PHLDB2: variants seen among roughly 807,000 people sequenced by gnomAD.
PHLDB2 encodes the protein pleckstrin homology like domain family B member 2, also known as pleckstrin homology-like domain family B member 2.
PHLDB2 carries 71 observed loss-of-function variants against 123.6 expected under a neutral mutation model. The ratio of observed to expected loss-of-function variants is 0.57; its 90% CI spans 0.47 to 0.70. PHLDB2 has a LOEUF of 0.70. Ranked by LOEUF, PHLDB2 falls within the 30% of genes least tolerant of loss-of-function variation. PHLDB2 has a pLI of 0.00. For missense variants in PHLDB2, 1,446 were observed against 1,519.5 expected (o/e 0.95, Z 0.80); for synonymous variants, 547 against 541.6 (o/e 1.01, Z -0.14).
chr3:111,859,429 C>G lies in PHLDB2; in HGVS notation c.-162C>G. On this transcript the variant is annotated 5_prime_UTR_variant, in exon 1 of 18. Transcript: ENST00000431670. ...CCCTGGGTGCCCGCCGCGGTGGTTACAAAGGGGGTCAAGAGTGCCGGACCC... is the reference window on the plus strand; with the variant it reads ...CCCTGGGTGCCCGCCGCGGTGGTTAGAAAGGGGGTCAAGAGTGCCGGACCC... 1.0e-6 allele frequency: 1 copy of G among 985,588 alleles called. No individual in the cohort carries two copies. Among genetic ancestry groups the G allele is most frequent in the Non-Finnish European group, 1.2e-6 (1 of 830,072 alleles). 61.1% of individuals were successfully genotyped at this position (985,588 alleles called of 1,614,324 possible). A position where few individuals can be genotyped will look rare whatever the true frequency, so the allele number is the denominator to read the frequency against.
upstream of PHLDB2, among the ~76,000 whole-genome samples, chr3:111,858,451 C>A (rs1372637846): frequency 6.6e-6 from 1 of 152,114 alleles, no homozygotes; most frequent in Non-Finnish European, 1.5e-5. Context: ...GCACATGTAT[C>A]CCAGAACTTA....
intron 1 of PHLDB2, among the ~76,000 whole-genome samples, chr3:111,839,204 C>A (rs2063555488): frequency 6.6e-6 from 1 of 152,050 alleles, no homozygotes; most frequent in Non-Finnish European, 1.5e-5. Context: ...AACAAACAAA[C>A]AAACAAAAAC....
chr3:111,765,818 A>T (rs2060069457), intron 1 of PHLDB2, among the ~76,000 whole-genome samples: 1 of 152,196 alleles, frequency 6.6e-6, no homozygotes, highest in Non-Finnish European at 1.5e-5. Context: ...TTAAGGTGGA[A>T]AAGAAGCCAA....
intron 1 of PHLDB2, among the ~76,000 whole-genome samples, chr3:111,864,344 C>A (rs754511219): frequency 6.6e-6 from 1 of 152,140 alleles, no homozygotes; most frequent in African/African-American, 2.4e-5. Context: ...ATTAAAGTAA[C>A]TTGTCTTTTA....
intron 1 of PHLDB2, 126 bp downstream of exon 1, chr3:111,859,702 T>C: frequency 1.0e-6 from 1 of 984,064 alleles, no homozygotes; most frequent in Non-Finnish European, 1.2e-6. Context: ...CTGCGGAGGG[T>C]TGGGGGCGGA....
At chr3:111,873,409 G>A (rs927746068) in intron 1 of PHLDB2, among the ~76,000 whole-genome samples, 2 of 152,270 alleles carry the variant, frequency 1.3e-5, no homozygotes, top group African/African-American at 4.8e-5. Context: ...TAATATTTTA[G>A]TCAGGTGGTT....
chr3:111,815,758 AGCTG>A (rs1281282723), intron 1 of PHLDB2, among the ~76,000 whole-genome samples: 2 of 152,234 alleles, frequency 1.3e-5, no homozygotes, highest in Non-Finnish European at 2.9e-5. Context: ...GAGAAATTCA[AGCTG>A]GCTGCAGAAA....
At chr3:111,847,624 A>C (rs1559865778) in intron 2 of PHLDB2, among the ~76,000 whole-genome samples, 1 of 151,852 alleles carries the variant, frequency 6.6e-6, no homozygotes, top group African/African-American at 2.4e-5. Context: ...CCTCTTTCCA[A>C]AATGTGGATC....
At chr3:111,742,557 G>A (rs1030510278) in intron 1 of PHLDB2, among the ~76,000 whole-genome samples, 9 of 151,954 alleles carry the variant, frequency 5.9e-5, no homozygotes, top group African/African-American at 1.2e-4. Context: ...GAGAAAATGC[G>A]GTGTTTGGTT....
At position 111,969,860 on chromosome 3, in the gene PHLDB2, A is replaced by G; in HGVS notation, c.3486A>G (p.Lys1162=). The G allele has an allele frequency of 6.2e-7, 1 of 1,614,062 alleles. No homozygotes were observed. Among genetic ancestry groups the G allele is most frequent in the Non-Finnish European group, 8.5e-7 (1 of 1,179,932 alleles). ...GTGGGAAAATTAAAACGTGGAAAAA[A>G]CGTTGGTTTGTTTTTGATCGGAACA... ...KMGGKIKTWK[K]RWFVFDRNKR... The change falls in exon 16 of 18, where the codon AAA becomes AAG. Residue 1162 remains lysine, a synonymous_variant. Transcript: ENST00000431670.
chr3:111,851,311 G>C (rs922409722), intron 2 of PHLDB2, among the ~76,000 whole-genome samples: 1 of 151,708 alleles, frequency 6.6e-6, no homozygotes, highest in African/African-American at 2.4e-5. Flanking sequence ...AAGTAGCTCT[G>C]AGCCCCTGCA....
At chr3:111,738,036 G>A (rs1373690675) in intron 1 of PHLDB2, among the ~76,000 whole-genome samples, 1 of 152,090 alleles carries the variant, frequency 6.6e-6, no homozygotes, top group African/African-American at 2.4e-5. Context: ...GTGACCCAAG[G>A]AAAGCCAATA....
intron 1 of PHLDB2, among the ~76,000 whole-genome samples, chr3:111,763,747 G>A (rs1463294206): frequency 2.0e-5 from 3 of 152,080 alleles, no homozygotes; most frequent in East Asian, 3.9e-4. Context: ...CCTCATAAAA[G>A]AGACCCCAGA....
intron 2 of PHLDB2, chr3:111,845,997 T>TATTGGGA: frequency 6.6e-7 from 1 of 1,516,436 alleles, no homozygotes; most frequent in Non-Finnish European, 9.1e-7. Flanking sequence ...CCATCATACA[T>TATTGGGA]ATTGGGAATG....
intron 1 of PHLDB2, among the ~76,000 whole-genome samples, chr3:111,759,160 G>A (rs1350756955): frequency 4.0e-5 from 6 of 150,658 alleles, no homozygotes; most frequent in Admixed American, 1.3e-4. Context: ...CACTCAGGCT[G>A]TTGTAACAAA....
At chr3:111,903,590 T>TG (rs2067323912) in intron 2 of PHLDB2, among the ~76,000 whole-genome samples, 1 of 152,196 alleles carries the variant, frequency 6.6e-6, no homozygotes, top group South Asian at 2.1e-4. Flanking sequence ...TGAAAATAAT[T>TG]GGGTCTAGTT....
chr3:111,851,619 G>A (rs1484340165), intron 2 of PHLDB2, among the ~76,000 whole-genome samples: 2 of 152,172 alleles, frequency 1.3e-5, no homozygotes, highest in East Asian at 3.9e-4. Context: ...TGTTGTGGCT[G>A]GAGCTCATAT....
At chr3:111,855,629 CTTTTT>C (rs11368889), upstream of PHLDB2, among the ~76,000 whole-genome samples, 38 of 79,840 alleles carry the variant, frequency 4.8e-4, no homozygotes, top group South Asian at 7.1e-3. Flanking sequence ...CTGCATTTGT[CTTTTT>C]TTTTTTTTTT....
At chr3:111,744,210 G>C (rs567835403) in intron 1 of PHLDB2, among the ~76,000 whole-genome samples, 8 of 152,276 alleles carry the variant, frequency 5.3e-5, no homozygotes, top group African/African-American at 1.9e-4. Flanking sequence ...TTCAGCCACA[G>C]TAACAATGAA....
Sources: gnomAD v4.1 joint callset for allele counts (sites outside exome capture counted in the v4.1 genomes callset) on GRCh38, gnomAD v4.1.1 for gene constraint, MANE v1.5 for transcripts, NCBI Gene and HGNC (gene_info 2026-07-23, HGNC 2026-07-21) for gene names.